Variants in SRRM4 observed in about 807,000 individuals in gnomAD.
The protein encoded by SRRM4 is serine/arginine repetitive matrix protein 4.
A neutral mutation model predicts 68.9 loss-of-function variants in SRRM4; 33 were observed. The ratio of observed to expected loss-of-function variants is 0.48; its 90% confidence interval spans 0.36 to 0.64. SRRM4 has a LOEUF of 0.64. Ranked by LOEUF, SRRM4 falls within the 30% of genes least tolerant of loss-of-function variation. SRRM4 has a pLI of 0.00. For missense variants in SRRM4, 817 were observed against 827.1 expected (o/e 0.99, Z 0.15); for synonymous variants, 318 against 318.8 (o/e 1.00, Z 0.03).
intron 1 of SRRM4, among the ~76,000 whole-genome samples, chr12:119,045,158 C>G (rs534258285): frequency 1.3e-5 from 2 of 152,260 alleles, no homozygotes; most frequent in South Asian, 4.1e-4. Flanking sequence ...GGTGGACACA[C>G]CCACAGTCAC....
intron 1 of SRRM4, among the ~76,000 whole-genome samples, chr12:119,045,419 C>T (rs1490186833): frequency 1.3e-5 from 2 of 151,724 alleles, no homozygotes; most frequent in African/African-American, 2.4e-5. Flanking sequence ...ATAATCAAGA[C>T]TTAGGAACTC....
chr12:119,149,801 G>T (rs1954427736), intron 9 of SRRM4, among the ~76,000 whole-genome samples: 1 of 152,082 alleles, frequency 6.6e-6, no homozygotes, highest in African/African-American at 2.4e-5. Flanking sequence ...AGATTGGAGG[G>T]GTGAGCAGGT....
intron 1 of SRRM4, among the ~76,000 whole-genome samples, chr12:119,018,669 G>A (rs1005235195): frequency 6.6e-6 from 1 of 152,130 alleles, no homozygotes; most frequent in Non-Finnish European, 1.5e-5. Context: ...GATACCTGAA[G>A]AAAAAGAACA....
chr12:118,988,114 A>G (rs1231261413), intron 1 of SRRM4, among the ~76,000 whole-genome samples: 1 of 149,952 alleles, frequency 6.7e-6, no homozygotes, highest in Non-Finnish European at 1.5e-5. Context: ...GGAGAAATAG[A>G]GACAGAGGAA....
chr12:119,043,615 G>T (rs943142228), intron 1 of SRRM4, among the ~76,000 whole-genome samples: 1 of 152,068 alleles, frequency 6.6e-6, no homozygotes, highest in African/African-American at 2.4e-5. Context: ...AGTCCTAGGA[G>T]ACCAAGGAAG....
chr12:119,028,660 A>T (rs1168980235), intron 1 of SRRM4, among the ~76,000 whole-genome samples: 2 of 152,192 alleles, frequency 1.3e-5, no homozygotes, highest in Non-Finnish European at 2.9e-5. Flanking sequence ...ACAATGGACA[A>T]ATTCCAGAGC....
At chr12:119,111,024 C>T (rs1954139948) in intron 2 of SRRM4, among the ~76,000 whole-genome samples, 1 of 152,228 alleles carries the variant, frequency 6.6e-6, no homozygotes, top group South Asian at 2.1e-4. Context: ...CACTTAACCA[C>T]TGAATAGTTA....
intron 2 of SRRM4, chr12:119,114,012 A>T (rs1450417156): frequency 3.8e-6 from 1 of 266,412 alleles, no homozygotes; most frequent in East Asian, 6.3e-5. Context: ...AAATCTATTT[A>T]GGAGTAGTTA....
intron 8 of SRRM4, among the ~76,000 whole-genome samples, chr12:119,143,386 A>T (rs1954379032): frequency 6.6e-6 from 1 of 152,214 alleles, no homozygotes; most frequent in Non-Finnish European, 1.5e-5. Context: ...GTCAGAGCAA[A>T]GGTATAGAAG....
At chr12:119,018,228 G>T (rs1953493511) in intron 1 of SRRM4, among the ~76,000 whole-genome samples, 1 of 152,206 alleles carries the variant, frequency 6.6e-6, no homozygotes, top group Admixed American at 6.5e-5. Context: ...CATTAGAAAA[G>T]TCTATGAGGA....
intron 3 of SRRM4, among the ~76,000 whole-genome samples, chr12:119,115,740 C>A (rs1350157814): frequency 1.3e-5 from 2 of 152,170 alleles, no homozygotes; most frequent in African/African-American, 4.8e-5. Flanking sequence ...TTAAGATTCA[C>A]TAATTGACTC....
At chr12:119,109,237 C>G (rs370072305) in intron 2 of SRRM4, among the ~76,000 whole-genome samples, 1 of 152,302 alleles carries the variant, frequency 6.6e-6, no homozygotes. Context: ...CGACCTTTCT[C>G]TCTGGCTGCC....
intron 1 of SRRM4, among the ~76,000 whole-genome samples, chr12:119,087,555 C>G (rs4767774): frequency 0.039 from 5,890 of 152,066 alleles, 198 homozygotes; most frequent in East Asian, 0.12. Flanking sequence ...TCCCCAGAAA[C>G]GCGCTGGAGG....
In SRRM4 at chr12:119,120,230, T is replaced by C; in HGVS notation, c.438-20T>C. 6.5e-7 allele frequency: 1 copy of C among 1,531,736 alleles called. No individual in the cohort carries two copies. The highest frequency in any genetic ancestry group is 8.8e-7 in the Non-Finnish European group (1 of 1,132,042). 94.9% of individuals were successfully genotyped at this position (1,531,736 alleles called of 1,614,324 possible). The stretch of plus-strand genomic sequence containing the variant: ...TTTCTTTGATTCTTCTTTTCATTTT[T>C]TTTCTTTCTTTCTTTTCAGGTCATT... On this transcript the variant is annotated intron_variant, in intron 4 of 12. Coordinates refer to ENST00000267260, the MANE Select transcript of SRRM4 (RefSeq NM_194286.4).
chr12:119,130,718 C>A lies in SRRM4; in HGVS notation c.655C>A (p.Arg219=), dbSNP rs1954291813. Reference sequence around the variant, plus strand: ...CCCTGAGGAAGGGCAGAAGTCCCGCCGAAGGCACTCCCGCCGCTGCTCCAA... The same window carrying A: ...CCCTGAGGAAGGGCAGAAGTCCCGCAGAAGGCACTCCCGCCGCTGCTCCAA... The part of the protein sequence containing the change: ...RSPEEGQKSR[R]RHSRRCSKTL... Residue 219 remains arginine (R), a synonymous_variant, in exon 8 of 13, where the codon CGA becomes AGA. Transcript: ENST00000267260. 2 of 1,610,588 alleles carry A rather than the reference C, an allele frequency of 1.2e-6. No homozygotes were observed. The highest frequency in any genetic ancestry group is 8.5e-7 in the Non-Finnish European group (1 of 1,179,726).
intron 8 of SRRM4, chr12:119,133,186 A>G (rs551060081): frequency 6.6e-6 from 1 of 152,344 alleles, no homozygotes; most frequent in South Asian, 2.1e-4. Flanking sequence ...TAAGATTGTT[A>G]TGAGAATTCA....
chr12:119,154,533 A>T lies in SRRM4; in HGVS notation c.1532+150A>T. 2 of 880,914 alleles carry T rather than the reference A, an allele frequency of 2.3e-6. No homozygotes were observed. The highest frequency in any genetic ancestry group is 3.4e-6 in the Non-Finnish European group (2 of 582,456). 54.6% of individuals were successfully genotyped at this position (880,914 alleles called of 1,614,324 possible). ...GTCCCCCCAACCCCAACATCATTGA[A>T]ATTACGTGTCTGTTCAAAGCCTTGG... On this transcript the variant is annotated intron_variant, in intron 12 of 12. Transcript: ENST00000267260. The surrounding 1 kb of genome is among the most constrained non-coding windows in gnomAD (Gnocchi z 4.7).
At position 118,981,947 on chromosome 12, in the gene SRRM4, C is replaced by T. The variant is rs2135985316; in HGVS notation, c.65C>T (p.Ala22Val). 4 of 1,612,766 alleles carry T rather than the reference C, an allele frequency of 2.5e-6. No individual in the cohort carries two copies. In the South Asian group the frequency reaches 4.4e-5, roughly 18 times the overall value. ...FEKFWRGTFK[A>V]VATPRPESII... Reference sequence around the variant, plus strand: ...AAGTTCTGGCGAGGAACCTTCAAAGCGGTGGCCACCCCCCGTCCCGAGAGC... The same window carrying T: ...AAGTTCTGGCGAGGAACCTTCAAAGTGGTGGCCACCCCCCGTCCCGAGAGC... The change falls in exon 1 of 13, where the codon GCG (alanine) becomes GTG (valine). Residue 22 changes from alanine to valine, a missense_variant. Coordinates refer to ENST00000267260, the MANE Select transcript of SRRM4 (RefSeq NM_194286.4).
At chr12:119,063,426 CT>C (rs1268406752) in intron 1 of SRRM4, among the ~76,000 whole-genome samples, 1 of 152,160 alleles carries the variant, frequency 6.6e-6, no homozygotes, top group Non-Finnish European at 1.5e-5. Flanking sequence ...GTTTTCCTCT[CT>C]CAAGAGCCAA....
Sources: allele counts gnomAD v4.1 joint callset (sites outside exome capture counted in the v4.1 genomes callset), GRCh38; gene constraint gnomAD v4.1.1; non-coding constraint Gnocchi (gnomAD v3.1); transcripts MANE v1.5; gene names NCBI Gene and HGNC (gene_info 2026-07-23, HGNC 2026-07-21).